The following FOCAD variants were observed in gnomAD, a reference collection of about 807,000 sequenced individuals.
FOCAD encodes the protein KIAA1797.
A neutral mutation model predicts 225.6 loss-of-function variants in FOCAD; 198 were observed. The ratio of observed to expected loss-of-function variants is 0.88; its 90% CI spans 0.78 to 0.99. FOCAD has a LOEUF of 0.99. FOCAD is among the 50% of genes least tolerant of loss of function. The probability of loss-of-function intolerance (pLI) is 0.00; values close to 1 mark genes in which losing one functional copy is unlikely to be tolerated. For synonymous variants in FOCAD, 897 were observed against 755.0 expected, an observed-to-expected ratio of 1.19 and a Z score of -3.08; for missense variants, 2,713 against 2,123.6, an observed-to-expected ratio of 1.28 and a Z score of -5.46.
upstream of FOCAD, among the ~76,000 whole-genome samples, chr9:20,656,418 CT>C (rs1275988536): frequency 6.6e-6 from 1 of 152,094 alleles, no homozygotes; most frequent in Admixed American, 6.6e-5. Context: ...GTCTAAGTCT[CT>C]TTGTAGGTCA....
At chr9:20,755,077 G>A (rs146888485) in intron 5 of FOCAD, among the ~76,000 whole-genome samples, 2 of 152,294 alleles carry the variant, frequency 1.3e-5, no homozygotes, top group South Asian at 2.1e-4. Context: ...GTAATCAAAT[G>A]CTGATCAACA....
In FOCAD at chr9:20,764,958, G is replaced by T. The variant is rs747145835; in HGVS notation, c.584G>T (p.Arg195Leu). The T allele has an allele frequency of 2.5e-6, 4 of 1,613,990 alleles. No homozygotes were observed. Among genetic ancestry groups the T allele is most frequent in the Non-Finnish European group, 3.4e-6 (4 of 1,179,984 alleles). The change falls in exon 7 of 44, where the codon CGA (arginine) becomes CTA (leucine). Residue 195 changes from arginine (R) to leucine (L), a missense_variant. Transcript: ENST00000338382. The part of the protein sequence containing the change: ...PSQLQEYAKL[R>L]LALLKVLLQP... ...CAGTTACAAGAATATGCTAAACTCC[G>T]ACTAGCCCTGCTGAAAGTCTTACTT...
chr9:20,891,604 C>CT (rs1831620897), intron 21 of FOCAD, among the ~76,000 whole-genome samples: 1 of 152,160 alleles, frequency 6.6e-6, no homozygotes, highest in Non-Finnish European at 1.5e-5. Context: ...GAGGAAGACT[C>CT]TAACACTCTT....
chr9:20,857,752 T>A lies in FOCAD; in HGVS notation c.1921-4826T>A, dbSNP rs547976952. The stretch of plus-strand genomic sequence containing the variant: ...ATATGGCTTTTATTGTGTTAAGGTA[T>A]GTTCTTTCTATACCCAGTTTTTTTT... On this transcript the variant is annotated intron_variant, in intron 15 of 43. Coordinates refer to ENST00000338382, the MANE Select transcript of FOCAD (RefSeq NM_001375567.1). Among the ~76,000 whole-genome samples, 15 of 150,524 alleles carry A rather than the reference T, an allele frequency of 1.0e-4. No individual in the cohort carries two copies. The East Asian group carries it at 2.5e-3, about 25-fold the overall frequency.
intron 15 of FOCAD, among the ~76,000 whole-genome samples, chr9:20,839,706 G>A (rs1041402264): frequency 5.3e-5 from 8 of 151,698 alleles, no homozygotes; most frequent in African/African-American, 1.9e-4. Context: ...AGGGGTACAC[G>A]AGATATTTTG....
intron 11 of FOCAD, among the ~76,000 whole-genome samples, chr9:20,793,650 GAGA>G (rs1222976646): frequency 2.6e-5 from 4 of 152,156 alleles, no homozygotes; most frequent in African/African-American, 4.8e-5. Context: ...GGAGTTTGAG[GAGA>G]AGGAGTCCAA....
intron 6 of FOCAD, among the ~76,000 whole-genome samples, chr9:20,758,489 A>G (rs914359151): frequency 4.6e-5 from 7 of 151,416 alleles, no homozygotes; most frequent in Admixed American, 1.3e-4. Flanking sequence ...AGCATTAGGT[A>G]TATCTCCTAA....
chr9:20,810,489 G>C (rs568255389), intron 11 of FOCAD, among the ~76,000 whole-genome samples: 2 of 152,184 alleles, frequency 1.3e-5, no homozygotes, highest in South Asian at 2.1e-4. Context: ...AAGATTTAGA[G>C]CTCACGTGGC....
chr9:20,666,669 T>C (rs1821907509), intron 2 of FOCAD, among the ~76,000 whole-genome samples: 1 of 152,242 alleles, frequency 6.6e-6, no homozygotes, highest in African/African-American at 2.4e-5. Flanking sequence ...ATTTATTATA[T>C]ACTTAACCTT....
chr9:20,898,423 T>G (rs1832284915), intron 21 of FOCAD, among the ~76,000 whole-genome samples: 1 of 151,948 alleles, frequency 6.6e-6, no homozygotes, highest in African/African-American at 2.4e-5. Flanking sequence ...CTTTGCTTTA[T>G]TCTTTTTCCT....
chr9:20,877,980 C>T (rs865816151), intron 19 of FOCAD, among the ~76,000 whole-genome samples: 4 of 152,086 alleles, frequency 2.6e-5, no homozygotes, highest in African/African-American at 4.8e-5. Flanking sequence ...ATTGAGATCT[C>T]GAGATATTTT....
At chr9:20,982,562 T>C in intron 39 of FOCAD, 116 bp downstream of exon 39, 3 of 756,856 alleles carry the variant, frequency 4.0e-6, no homozygotes, top group Non-Finnish European at 6.7e-6. Flanking sequence ...ATTGGTTAAT[T>C]TCAGGAAACT....
chr9:20,723,993 G>C (rs1346870195), intron 4 of FOCAD, among the ~76,000 whole-genome samples: 1 of 151,996 alleles, frequency 6.6e-6, no homozygotes, highest in Non-Finnish European at 1.5e-5. Flanking sequence ...AGAGGGGGAG[G>C]TCCAAGATTC....
chr9:20,787,006 T>A (rs1040822636), intron 10 of FOCAD: 1 of 479,680 alleles, frequency 2.1e-6, no homozygotes, highest in African/African-American at 2.0e-5. Context: ...CTTGATTGCA[T>A]CCTTGCCCTG....
chr9:20,885,216 G>A lies in FOCAD; in HGVS notation c.2611G>A (p.Ala871Thr). 2.6e-6 allele frequency: 4 copies of A among 1,520,970 alleles called. No homozygotes were observed. The highest frequency in any genetic ancestry group is 2.6e-6 in the Non-Finnish European group (3 of 1,132,346). The allele number at this position is 1,520,970 out of a possible 1,614,324, so 94.2% of individuals were successfully genotyped here. ...RGRSFKQTSLALVHEVHIQLS... is the reference protein window; with the variant it reads ...RGRSFKQTSLTLVHEVHIQLS... ...GCGAAGTTTCAAGCAGACTTCACTT[G>A]CTCTTGTACATGAGGTAGGTTCCCG... is the stretch of plus-strand genomic sequence containing the variant. Residue 871 changes from alanine (A) to threonine (T), a missense_variant, in exon 21 of 44, where the codon GCT becomes ACT. By Grantham distance (58) the Ala-to-Thr change is moderately conservative. Coordinates refer to ENST00000338382, the MANE Select transcript of FOCAD (RefSeq NM_001375567.1).
intron 1 of FOCAD, among the ~76,000 whole-genome samples, chr9:20,698,125 A>G (rs112156174): frequency 2.8e-4 from 42 of 152,352 alleles, no homozygotes; most frequent in African/African-American, 8.2e-4. Flanking sequence ...TAAAATTGCA[A>G]TTAAACATTT....
intron 1 of FOCAD, among the ~76,000 whole-genome samples, chr9:20,704,358 A>T (rs1481528281): frequency 6.6e-6 from 1 of 152,228 alleles, no homozygotes; most frequent in Non-Finnish European, 1.5e-5. Context: ...GCAAATTAAA[A>T]TAGCTAAACC....
intron 11 of FOCAD, among the ~76,000 whole-genome samples, chr9:20,804,391 C>T (rs1293880807): frequency 6.6e-6 from 1 of 151,878 alleles, no homozygotes; most frequent in Non-Finnish European, 1.5e-5. Flanking sequence ...TTGATGAGTT[C>T]CTAGTTACTT....
At chr9:20,854,958 A>C (rs1320430993) in intron 15 of FOCAD, among the ~76,000 whole-genome samples, 1 of 151,794 alleles carries the variant, frequency 6.6e-6, no homozygotes, top group Non-Finnish European at 1.5e-5. Context: ...TAATAATTCA[A>C]CTAATTTTCA....
Sources: gnomAD v4.1 joint callset for allele counts (sites outside exome capture counted in the v4.1 genomes callset) on GRCh38, gnomAD v4.1.1 for gene constraint, MANE v1.5 for transcripts, NCBI Gene and HGNC (gene_info 2026-07-23, HGNC 2026-07-21) for gene names.